Variants in FBN2 observed in about 807,000 individuals in gnomAD.
FBN2 encodes the protein fibrillin 2, also known as fibrillin-2.
In FBN2, 105 loss-of-function variants were observed where a neutral mutation model predicts 355.6. The ratio of observed to expected loss-of-function variants is 0.30; its 90% CI spans 0.25 to 0.35. FBN2 has a LOEUF of 0.35. FBN2 is among the 10% of genes least tolerant of loss of function. The probability of loss-of-function intolerance (pLI) is 1.00; values close to 1 mark genes in which losing one functional copy is unlikely to be tolerated. For synonymous variants in FBN2, 1,350 were observed against 1,301.2 expected, an observed-to-expected ratio of 1.04 and a Z score of -0.81; for missense variants, 3,280 against 3,758.7, an observed-to-expected ratio of 0.87 and a Z score of 3.33.
chr5:128,499,852 T>C (rs78684736), intron 5 of FBN2, among the ~76,000 whole-genome samples: 5,057 of 152,254 alleles, frequency 0.033, 278 homozygotes, highest in African/African-American at 0.11. Flanking sequence ...CTTTGTGTGC[T>C]ATTTCTAAAT....
intron 48 of FBN2, among the ~76,000 whole-genome samples, chr5:128,295,262 G>C (rs1310708365): frequency 2.6e-5 from 4 of 151,796 alleles, no homozygotes; most frequent in Admixed American, 2.6e-4. Context: ...TTTGAAGTCA[G>C]GTAGTGTGAT....
At chr5:128,304,838 T>G (rs1396837126) in intron 45 of FBN2, 119 bp downstream of exon 45, 1 of 1,347,946 alleles carries the variant, frequency 7.4e-7, no homozygotes, top group Admixed American at 1.7e-5. Flanking sequence ...ACCTAGTTAA[T>G]TTTTTGCAAG....
intron 11 of FBN2, among the ~76,000 whole-genome samples, chr5:128,389,325 G>C (rs1286759923): frequency 6.6e-6 from 1 of 152,202 alleles, no homozygotes; most frequent in South Asian, 2.1e-4. Context: ...GTGGGAGAAT[G>C]CTGGCAGAGG....
At chr5:128,477,309 C>T (rs886167448) in intron 5 of FBN2, among the ~76,000 whole-genome samples, 33 of 151,968 alleles carry the variant, frequency 2.2e-4, no homozygotes, top group African/African-American at 8.0e-4. Context: ...TAGTTGTCTC[C>T]CAGTACCACA....
At position 128,395,262 on chromosome 5, in the gene FBN2, C is replaced by T. The variant is rs762615993; in HGVS notation, c.1091G>A (p.Gly364Asp). 3.6e-5 allele frequency: 58 copies of T among 1,613,966 alleles called. No homozygotes were observed. The highest frequency in any genetic ancestry group is 4.6e-5 in the Non-Finnish European group (54 of 1,180,010). The change falls in exon 9 of 65, where the codon GGC becomes GAC. Residue 364 changes from glycine (G) to aspartate (D), a missense_variant. Gly to Asp is a moderately conservative substitution (Grantham distance 94). This residue lies in a region of FBN2 where 343 missense variants were observed against 331.0 expected (regional missense o/e 1.04). Coordinates refer to ENST00000262464, the MANE Select transcript of FBN2 (RefSeq NM_001999.4). Reference protein sequence around the residue: ...DGSRCIDQRTGMCFSGLVNGR... With the variant: ...DGSRCIDQRTDMCFSGLVNGR... ...ATTCACCAGGCCCGAGAAACACATGCCTGTTCTCTGATCTGTGCATGTATA... is the reference window on the plus strand; with the variant it reads ...ATTCACCAGGCCCGAGAAACACATGTCTGTTCTCTGATCTGTGCATGTATA...
At chr5:128,337,220 T>C (rs1750866023) in intron 27 of FBN2, among the ~76,000 whole-genome samples, 1 of 152,192 alleles carries the variant, frequency 6.6e-6, no homozygotes, top group Non-Finnish European at 1.5e-5. Flanking sequence ...TATGACAAAA[T>C]TCACCTCATA....
chr5:128,298,512 A>T (rs1449988405), intron 48 of FBN2, among the ~76,000 whole-genome samples: 1 of 151,630 alleles, frequency 6.6e-6, no homozygotes, highest in Non-Finnish European at 1.5e-5. Context: ...ATAGTCCCAT[A>T]TTTCTTGGAG....
chr5:128,375,133 A>T (rs1199912522), intron 14 of FBN2, among the ~76,000 whole-genome samples: 2 of 152,190 alleles, frequency 1.3e-5, no homozygotes, highest in Non-Finnish European at 2.9e-5. Context: ...TCATTTGGTC[A>T]TTTGATAATA....
Position 128,537,666 on chromosome 5 carries a change from G to C in FBN2, c.-63C>G. The stretch of plus-strand genomic sequence containing the variant: ...GAGGGAGTGATCAAAGACAAAATCT[G>C]CGCGCCTCAGAAAAGAGTCAGGGTC... On this transcript the variant is annotated 5_prime_UTR_variant, in exon 1 of 65. Transcript: ENST00000262464. 2 of 1,519,468 alleles carry C rather than the reference G, an allele frequency of 1.3e-6. No homozygotes were observed. Among genetic ancestry groups the C allele is most frequent in the South Asian group, 1.2e-5 (1 of 86,560 alleles). The allele number at this position is 1,519,468 out of a possible 1,614,324, so 94.1% of individuals were successfully genotyped here. A position where few individuals can be genotyped will look rare whatever the true frequency, so the allele number is the denominator to read the frequency against.
chr5:128,310,426 C>T (rs1272362704), intron 39 of FBN2, among the ~76,000 whole-genome samples: 3 of 117,264 alleles, frequency 2.6e-5, no homozygotes, highest in African/African-American at 6.6e-5. Context: ...TTTTTTATTG[C>T]AATTCGCATT....
intron 5 of FBN2, among the ~76,000 whole-genome samples, chr5:128,493,855 G>A (rs1755577953): frequency 6.6e-6 from 1 of 152,162 alleles, no homozygotes; most frequent in Non-Finnish European, 1.5e-5. Context: ...TTATGGTGGA[G>A]GAGTGAGAAG....
intron 7 of FBN2, among the ~76,000 whole-genome samples, chr5:128,414,915 C>A (rs190816541): frequency 6.6e-6 from 1 of 151,998 alleles, no homozygotes. Context: ...TTGCCGTTTG[C>A]GTATTGTCTT....
intron 11 of FBN2, among the ~76,000 whole-genome samples, chr5:128,390,936 A>G (rs1440831290): frequency 3.3e-5 from 5 of 152,214 alleles, no homozygotes; most frequent in African/African-American, 1.2e-4. Flanking sequence ...AGGCATTTTT[A>G]TGAGTTTGAT....
chr5:128,307,254 A>G (rs1012749604), intron 41 of FBN2, 51 bp from the exon 42 acceptor site: 2 of 1,025,556 alleles, frequency 2.0e-6, no homozygotes, highest in Middle Eastern at 2.1e-4. Context: ...AAATTCCTTC[A>G]AAATAACATT....
chr5:128,259,372 T>C lies in FBN2; in HGVS notation c.*83A>G. On this transcript the variant is annotated 3_prime_UTR_variant, in exon 65 of 65. Coordinates refer to ENST00000262464, the MANE Select transcript of FBN2 (RefSeq NM_001999.4). ...ACAAGAGTTATTATTATTTTTCCTCTTTAAAATTAGTCCTTGACTTTTCAA... is the reference window on the plus strand; with the variant it reads ...ACAAGAGTTATTATTATTTTTCCTCCTTAAAATTAGTCCTTGACTTTTCAA... 1 of 1,514,356 alleles carries C rather than the reference T, an allele frequency of 6.6e-7. No homozygotes were observed. The allele number at this position is 1,514,356 out of a possible 1,614,324, so 93.8% of individuals were successfully genotyped here. A position where few individuals can be genotyped will look rare whatever the true frequency, so the allele number is the denominator to read the frequency against.
intron 58 of FBN2, among the ~76,000 whole-genome samples, chr5:128,277,003 C>T (rs568744271): frequency 2.0e-5 from 3 of 152,254 alleles, no homozygotes; most frequent in Admixed American, 2.0e-4. Flanking sequence ...CCATTTCCTC[C>T]ATATAACATA....
chr5:128,497,123 T>C (rs79625632), intron 5 of FBN2, among the ~76,000 whole-genome samples: 6,965 of 152,260 alleles, frequency 0.046, 278 homozygotes, highest in African/African-American at 0.11. Context: ...GACTGAAGGA[T>C]ATCCTTTCCT....
chr5:128,473,927 TG>T (rs1754942101), intron 5 of FBN2, among the ~76,000 whole-genome samples: 1 of 152,220 alleles, frequency 6.6e-6, no homozygotes, highest in Admixed American at 6.5e-5. Flanking sequence ...AATATTTCAG[TG>T]GAATGTGGGC....
chr5:128,305,115 C>G lies in FBN2; in HGVS notation c.5675-33G>C, dbSNP rs769280259. 5.3e-6 allele frequency: 8 copies of G among 1,510,090 alleles called. No individual in the cohort carries two copies. In the South Asian group the frequency reaches 9.4e-5, roughly 18 times the overall value. 93.5% of individuals were successfully genotyped at this position (1,510,090 alleles called of 1,614,324 possible). On this transcript the variant is annotated intron_variant, in intron 44 of 64. Coordinates refer to ENST00000262464, the MANE Select transcript of FBN2 (RefSeq NM_001999.4). ...AGAAAAAAATAAATGTTACATGTAT[C>G]TGATTTTTATTAAGATTTCTTCATT...
Sources: allele counts gnomAD v4.1 joint callset (sites outside exome capture counted in the v4.1 genomes callset), GRCh38; gene constraint gnomAD v4.1.1; regional missense constraint gnomAD v4.1.1; transcripts MANE v1.5; gene names NCBI Gene and HGNC (gene_info 2026-07-23, HGNC 2026-07-21).